CYP7B1: variants seen among roughly 807,000 people sequenced by gnomAD.
CYP7B1 encodes the protein cytochrome P450 7B1.
A neutral mutation model predicts 42.7 loss-of-function variants in CYP7B1; 29 were observed. The ratio of observed to expected loss-of-function variants is 0.68; its 90% CI spans 0.51 to 0.93. The LOEUF is 0.93. Ranked by LOEUF, CYP7B1 falls within the 40% of genes least tolerant of loss-of-function variation. The pLI is 0.00. For missense variants in CYP7B1, 655 were observed against 600.5 expected (o/e 1.09, Z -0.95); for synonymous variants, 235 against 218.2 (o/e 1.08, Z -0.68).
Position 64,616,182 on chromosome 8 carries a change from T to G in CYP7B1, c.359A>C (p.Glu120Ala), listed in dbSNP as rs2129630220. 1.2e-6 allele frequency: 2 copies of G among 1,612,142 alleles called. No individual in the cohort carries two copies. The highest frequency in any genetic ancestry group is 2.7e-5 in the African/African-American group (2 of 74,896). ...SFRVFSNKLL[E>A]KAFSISQLQK... Reference sequence around the variant, plus strand: ...CAACTGACTGATGCTAAATGCTTTCTCTAATAATTTATTAGAAAATACTCG... The same window carrying G: ...CAACTGACTGATGCTAAATGCTTTCGCTAATAATTTATTAGAAAATACTCG... The change falls in exon 3 of 6, where the codon GAG becomes GCG. Residue 120 changes from glutamate to alanine, a missense_variant. Coordinates refer to ENST00000310193, the MANE Select transcript of CYP7B1 (RefSeq NM_004820.5).
intron 2 of CYP7B1, among the ~76,000 whole-genome samples, chr8:64,618,733 G>C (rs1359107904): frequency 6.6e-6 from 1 of 152,054 alleles, no homozygotes; most frequent in African/African-American, 2.4e-5. Context: ...TGGACAAAAT[G>C]GTTCAAGTTA....
intron 1 of CYP7B1, among the ~76,000 whole-genome samples, chr8:64,678,881 C>CTGTGTGTGTGTG (rs56067911): frequency 6.8e-6 from 1 of 147,742 alleles, no homozygotes. Flanking sequence ...AACATCAATG[C>CTGTGTGTGTGTG]TGTGTGTGTG....
Position 64,591,252 on chromosome 8 carries a change from T to A in CYP7B1, c.*5390A>T, listed in dbSNP as rs1585792229. Among the ~76,000 whole-genome samples, 1 of 152,300 alleles carries A rather than the reference T, an allele frequency of 6.6e-6. No individual in the cohort carries two copies. Among genetic ancestry groups the A allele is most frequent in the Middle Eastern group, 3.4e-3 (1 of 294 alleles). On this transcript the variant is annotated 3_prime_UTR_variant, in exon 6 of 6. Transcript: ENST00000310193. ...AGTAATAATTACTTTAGATAAATAC[T>A]AAAGAGTTTTATGTGATCATTCATT...
At chr8:64,615,668 A>T in intron 3 of CYP7B1, 23 bp downstream of exon 3, 1 of 1,602,864 alleles carries the variant, frequency 6.2e-7, no homozygotes, top group Non-Finnish European at 8.5e-7. Flanking sequence ...ATTTTAGGCA[A>T]GTGCTCATTC....
chr8:64,728,598 C>T (rs1473710660), intron 1 of CYP7B1, among the ~76,000 whole-genome samples: 1 of 152,140 alleles, frequency 6.6e-6, no homozygotes, highest in Non-Finnish European at 1.5e-5. Flanking sequence ...AAAAGCATTG[C>T]ATTTCCTCAT....
intron 1 of CYP7B1, among the ~76,000 whole-genome samples, chr8:64,746,131 GA>G (rs900620864): frequency 2.8e-4 from 42 of 149,060 alleles, no homozygotes; most frequent in East Asian, 2.2e-3. Context: ...TCAGAGGTAA[GA>G]AAAAAAAAAT....
intron 1 of CYP7B1, among the ~76,000 whole-genome samples, chr8:64,790,688 AAG>A (rs1168116368): frequency 2.0e-5 from 3 of 152,226 alleles, no homozygotes; most frequent in Non-Finnish European, 4.4e-5. Context: ...CAATGTGCCC[AAG>A]AGTGTTTACA....
intron 1 of CYP7B1, among the ~76,000 whole-genome samples, chr8:64,686,266 C>T (rs1292712132): frequency 7.9e-5 from 4 of 50,646 alleles, no homozygotes; most frequent in Admixed American, 1.5e-4. Context: ...CCGCCCCGTC[C>T]GGGAGGGAGG....
chr8:64,751,571 A>G (rs1370434277), intron 1 of CYP7B1, among the ~76,000 whole-genome samples: 5 of 152,170 alleles, frequency 3.3e-5, no homozygotes. Flanking sequence ...ATCATCTTCA[A>G]GCACCTCTAT....
chr8:64,636,161 G>C (rs774970438), intron 1 of CYP7B1, among the ~76,000 whole-genome samples: 4 of 152,090 alleles, frequency 2.6e-5, no homozygotes, highest in Non-Finnish European at 5.9e-5. Flanking sequence ...CAGGGTTCTA[G>C]GGTTCTAACC....
chr8:64,768,959 T>A (rs1804157957), intron 1 of CYP7B1, among the ~76,000 whole-genome samples: 1 of 152,230 alleles, frequency 6.6e-6, no homozygotes, highest in Non-Finnish European at 1.5e-5. Context: ...TATCTACACA[T>A]CAGTTTTTTT....
intron 1 of CYP7B1, among the ~76,000 whole-genome samples, chr8:64,639,513 C>T (rs938992815): frequency 6.6e-6 from 1 of 152,010 alleles, no homozygotes; most frequent in Admixed American, 6.6e-5. Flanking sequence ...AGATGTTCAA[C>T]ATCACAAGTC....
rs1042776063 is a variant in CYP7B1 at position 64,596,215 on chromosome 8, T to C, written c.*427A>G. The C allele has an allele frequency of 2.4e-5, 4 of 167,692 alleles. No homozygotes were observed. In the East Asian group the frequency reaches 5.2e-4, roughly 22 times the overall value. 10.4% of individuals were successfully genotyped at this position (167,692 alleles called of 1,614,324 possible). On this transcript the variant is annotated 3_prime_UTR_variant, in exon 6 of 6. Coordinates refer to ENST00000310193, the MANE Select transcript of CYP7B1 (RefSeq NM_004820.5). ...ATGGAAATTCAATTTCCTTCTTCTG[T>C]GAGAATTTGGAATTTGTTAGACTGT...
At chr8:64,670,175 G>A (rs1320237809) in intron 1 of CYP7B1, among the ~76,000 whole-genome samples, 2 of 152,150 alleles carry the variant, frequency 1.3e-5, no homozygotes, top group East Asian at 3.9e-4. Context: ...GTAACACTTG[G>A]GTTCCACCCA....
At chr8:64,672,419 T>C (rs780178919) in intron 1 of CYP7B1, among the ~76,000 whole-genome samples, 20 of 152,158 alleles carry the variant, frequency 1.3e-4, no homozygotes, top group Non-Finnish European at 2.2e-4. Context: ...TCTCTGACCC[T>C]ATTATTCCCC....
chr8:64,794,008 C>T (rs896390944), intron 1 of CYP7B1, among the ~76,000 whole-genome samples: 2 of 150,708 alleles, frequency 1.3e-5, no homozygotes, highest in African/African-American at 4.9e-5. Flanking sequence ...GAAGAATAGG[C>T]AAAAGAAGGC....
intron 1 of CYP7B1, among the ~76,000 whole-genome samples, chr8:64,730,909 T>A (rs986410506): frequency 1.3e-5 from 2 of 152,132 alleles, no homozygotes; most frequent in Admixed American, 1.3e-4. Context: ...GGTCCCCTCA[T>A]GCTGGTCTCA....
intron 1 of CYP7B1, among the ~76,000 whole-genome samples, chr8:64,753,268 T>C (rs1807757104): frequency 2.0e-5 from 3 of 152,248 alleles, no homozygotes; most frequent in African/African-American, 2.4e-5. Flanking sequence ...AAATACCTAC[T>C]ATCTGGGTTT....
chr8:64,685,989 C>T (rs1335814103), intron 1 of CYP7B1, among the ~76,000 whole-genome samples: 17 of 50,532 alleles, frequency 3.4e-4, no homozygotes, highest in Admixed American at 1.0e-3. Flanking sequence ...TCTGCCCGGC[C>T]GCCCCTACTG....
Sources: gnomAD v4.1 joint callset for allele counts (sites outside exome capture counted in the v4.1 genomes callset) on GRCh38, gnomAD v4.1.1 for gene constraint, MANE v1.5 for transcripts, NCBI Gene and HGNC (gene_info 2026-07-23, HGNC 2026-07-21) for gene names.